The following CNTNAP5 variants were observed in gnomAD, a reference collection of about 807,000 sequenced individuals.
The protein encoded by CNTNAP5 is contactin-associated protein-like 5.
A neutral mutation model predicts 150.2 loss-of-function variants in CNTNAP5; 72 were observed. That is an observed-to-expected ratio of 0.48 (90% CI 0.40 to 0.58). CNTNAP5 has a LOEUF of 0.58. Among genes scored for constraint, CNTNAP5 ranks in the 20% least tolerant of loss-of-function variants. The pLI, the probability that CNTNAP5 is intolerant of heterozygous loss-of-function variation, is 0.00. For synonymous variants in CNTNAP5, 672 were observed against 619.8 expected, an observed-to-expected ratio of 1.08 and a Z score of -1.25; for missense variants, 1,636 against 1,626.2, an observed-to-expected ratio of 1.01 and a Z score of -0.10.
intron 3 of CNTNAP5, among the ~76,000 whole-genome samples, chr2:124,243,122 A>T (rs774518032): frequency 1.1e-4 from 17 of 152,212 alleles, no homozygotes; most frequent in Admixed American, 7.2e-4. Context: ...GAGGTGAAGC[A>T]GATAGCAAAA....
At chr2:124,223,211 C>T (rs746224341) in intron 2 of CNTNAP5, among the ~76,000 whole-genome samples, 12 of 152,056 alleles carry the variant, frequency 7.9e-5, no homozygotes, top group Admixed American at 2.6e-4. Context: ...ATTCAAAGTT[C>T]GTGTTTATAT....
In CNTNAP5 at chr2:124,920,225, A is replaced by T. The variant is rs1054260959; in HGVS notation, c.*5937A>T. Reference sequence around the variant, plus strand: ...ATTTTAACGAGTGTCATAGTCTTACATGCTTCAGATGCCAGAAATATCTTC... The same window carrying T: ...ATTTTAACGAGTGTCATAGTCTTACTTGCTTCAGATGCCAGAAATATCTTC... On this transcript the variant is annotated 3_prime_UTR_variant, in exon 24 of 24. Transcript: ENST00000682447. 1.4e-4 allele frequency among the ~76,000 whole-genome samples: 21 copies of T among 152,158 alleles called. No individual in the cohort carries two copies. The highest frequency in any genetic ancestry group is 5.1e-4 in the African/African-American group (21 of 41,456).
intron 2 of CNTNAP5, among the ~76,000 whole-genome samples, chr2:124,225,684 T>A (rs1686440304): frequency 6.6e-6 from 1 of 152,162 alleles, no homozygotes; most frequent in Admixed American, 6.6e-5. Context: ...AATAGAGTAT[T>A]ATTAACTATA....
intron 12 of CNTNAP5, among the ~76,000 whole-genome samples, chr2:124,636,343 T>G (rs1181990863): frequency 2.0e-5 from 3 of 152,194 alleles, no homozygotes; most frequent in African/African-American, 7.2e-5. Context: ...ATCTAATGCA[T>G]GGTAGATACT....
intron 3 of CNTNAP5, among the ~76,000 whole-genome samples, chr2:124,366,899 A>G (rs1690386233): frequency 6.6e-6 from 1 of 152,048 alleles, no homozygotes; most frequent in African/African-American, 2.4e-5. Context: ...CTGCTGAGAG[A>G]GCAATGTCCA....
At chr2:124,551,407 T>G (rs1175166069) in intron 10 of CNTNAP5, among the ~76,000 whole-genome samples, 1 of 152,240 alleles carries the variant, frequency 6.6e-6, no homozygotes, top group Admixed American at 6.5e-5. Context: ...ATGATAATTG[T>G]TAGAATGGAA....
intron 1 of CNTNAP5, among the ~76,000 whole-genome samples, chr2:124,163,297 G>A (rs967845901): frequency 2.0e-5 from 3 of 152,132 alleles, no homozygotes; most frequent in Non-Finnish European, 2.9e-5. Context: ...AATGAGGAAG[G>A]TGACATGCTG....
intron 3 of CNTNAP5, among the ~76,000 whole-genome samples, chr2:124,364,487 T>G (rs1307206242): frequency 6.6e-6 from 1 of 152,168 alleles, no homozygotes; most frequent in East Asian, 1.9e-4. Context: ...TTACTTATTT[T>G]GTCTCTGCCT....
chr2:124,808,532 G>C (rs1296544831), intron 19 of CNTNAP5, among the ~76,000 whole-genome samples: 3 of 150,576 alleles, frequency 2.0e-5, no homozygotes, highest in African/African-American at 7.3e-5. Flanking sequence ...ACGTTGCAGC[G>C]AGCCAAGATT....
chr2:124,663,562 G>A (rs533708981), intron 13 of CNTNAP5, among the ~76,000 whole-genome samples: 1 of 152,132 alleles, frequency 6.6e-6, no homozygotes, highest in Non-Finnish European at 1.5e-5. Flanking sequence ...TGGAGTAGTT[G>A]CAGAATCCAT....
At chr2:124,572,212 G>A (rs1421422017) in intron 11 of CNTNAP5, among the ~76,000 whole-genome samples, 3 of 152,108 alleles carry the variant, frequency 2.0e-5, no homozygotes, top group South Asian at 2.1e-4. Flanking sequence ...CTGCCTGTAA[G>A]GGGGAATGCT....
chr2:124,026,156 G>A (rs1270430710), intron 1 of CNTNAP5, among the ~76,000 whole-genome samples: 2 of 152,108 alleles, frequency 1.3e-5, no homozygotes, highest in African/African-American at 4.8e-5. Flanking sequence ...GCAGTGCCTC[G>A]GATTTGCAGT....
In CNTNAP5 at chr2:124,885,971, T is replaced by C. The variant is rs1274121499; in HGVS notation, c.3436+16209T>C. ...ATTTAAATACCTGTTTTTAATTATC[T>C]TGGGCATATCTCTGGGAGGGGATTT... On this transcript the variant is annotated intron_variant, in intron 21 of 23. Coordinates refer to ENST00000682447, the MANE Select transcript of CNTNAP5 (RefSeq NM_001367498.1). Among the ~76,000 whole-genome samples, 4 of 152,164 alleles carry C rather than the reference T, an allele frequency of 2.6e-5. No homozygotes were observed. In the East Asian group the frequency reaches 5.8e-4, roughly 22 times the overall value.
At chr2:124,428,442 G>A (rs1014690058) in intron 4 of CNTNAP5, among the ~76,000 whole-genome samples, 1 of 152,148 alleles carries the variant, frequency 6.6e-6, no homozygotes, top group Non-Finnish European at 1.5e-5. Context: ...AAATAAAAAA[G>A]GATAGAGGGT....
At chr2:124,395,707 T>A (rs6737283) in intron 3 of CNTNAP5, among the ~76,000 whole-genome samples, 15,815 of 152,166 alleles carry the variant, frequency 0.1, 1,194 homozygotes, top group African/African-American at 0.22. Flanking sequence ...TATGGCATGT[T>A]ACTTAGAATA....
At chr2:124,869,575 A>G (rs1194784173) in intron 20 of CNTNAP5, 100 bp from the exon 21 acceptor site, 1 of 713,322 alleles carries the variant, frequency 1.4e-6, no homozygotes, top group South Asian at 1.7e-5. Context: ...GGGGTCTGCT[A>G]TCTGTATGCA....
At chr2:124,397,998 C>T (rs893326822) in intron 3 of CNTNAP5, among the ~76,000 whole-genome samples, 4 of 152,198 alleles carry the variant, frequency 2.6e-5, no homozygotes, top group African/African-American at 9.7e-5. Flanking sequence ...AAAATGTTTA[C>T]ATTTTTTGTG....
At chr2:124,521,683 C>G (rs1486821228) in intron 8 of CNTNAP5, among the ~76,000 whole-genome samples, 2 of 152,192 alleles carry the variant, frequency 1.3e-5, no homozygotes, top group Non-Finnish European at 2.9e-5. Flanking sequence ...AACTTTTATT[C>G]TGAACTAGTT....
At chr2:124,488,921 C>A (rs1573408369) in intron 7 of CNTNAP5, among the ~76,000 whole-genome samples, 2 of 152,110 alleles carry the variant, frequency 1.3e-5, no homozygotes, top group Admixed American at 1.3e-4. Flanking sequence ...CTTCACGTGT[C>A]TCCCTCCACT....
Sources: allele counts gnomAD v4.1 joint callset (sites outside exome capture counted in the v4.1 genomes callset), GRCh38; gene constraint gnomAD v4.1.1; transcripts MANE v1.5; gene names NCBI Gene and HGNC (gene_info 2026-07-23, HGNC 2026-07-21).